LYZL4: variants seen among roughly 807,000 people sequenced by gnomAD.
LYZL4 encodes lysozyme-like protein 4.
Under a neutral mutation model 17.6 loss-of-function variants are expected in LYZL4, and 13 were observed. The observed-to-expected ratio is 0.74, with a 90% CI of 0.48 to 1.18. The LOEUF is 1.18. LYZL4 is among the 50% of genes most tolerant of loss of function. The pLI is 0.00. For missense variants in LYZL4, 174 were observed against 188.2 expected (o/e 0.92, Z 0.44); for synonymous variants, 64 against 67.7 (o/e 0.95, Z 0.27).
intron 3 of LYZL4, 130 bp from the exon 4 acceptor site, chr3:42,404,254 G>T: frequency 1.9e-6 from 1 of 536,658 alleles, no homozygotes; most frequent in Non-Finnish European, 3.3e-6. Context: ...TCTATCCTTA[G>T]ATTTTTATTA....
At chr3:42,403,201 G>C (rs2125601585) in intron 4 of LYZL4, among the ~76,000 whole-genome samples, 1 of 151,340 alleles carries the variant, frequency 6.6e-6, no homozygotes, top group Non-Finnish European at 1.5e-5. Flanking sequence ...AACAAACATG[G>C]GGGGAAACAC....
At chr3:42,404,193 A>T (rs2125602025) in intron 3 of LYZL4, 69 bp from the exon 4 acceptor site, 3 of 993,692 alleles carry the variant, frequency 3.0e-6, no homozygotes, top group Non-Finnish European at 4.8e-6. Context: ...ATGTCAGGGA[A>T]GGTACAGGGT....
intron 1 of LYZL4, among the ~76,000 whole-genome samples, chr3:42,409,418 G>A (rs1247954411): frequency 6.6e-6 from 1 of 152,110 alleles, no homozygotes; most frequent in East Asian, 1.9e-4. Context: ...TAAAAAAAGT[G>A]AATCTCAATG....
At chr3:42,361,330 G>A in the LYZL4 span, among the ~76,000 whole-genome samples, 1 of 152,088 alleles carries the variant, frequency 6.6e-6, no homozygotes, top group Admixed American at 6.5e-5. Context: ...CATCTTCATA[G>A]CAAACCAAGG....
chr3:42,393,846 C>T (rs1698519338), downstream of LYZL4, among the ~76,000 whole-genome samples: 2 of 152,182 alleles, frequency 1.3e-5, no homozygotes, highest in Non-Finnish European at 2.9e-5. Flanking sequence ...GGCTGGAGCG[C>T]AGTGGCGTGA....
chr3:42,395,438 G>GA (rs34118691), downstream of LYZL4, among the ~76,000 whole-genome samples: 1 of 152,160 alleles, frequency 6.6e-6, no homozygotes, highest in African/African-American at 2.4e-5. Context: ...AATATTGAGT[G>GA]AAAAAAGGAA....
chr3:42,394,836 C>T (rs1431403623), downstream of LYZL4, among the ~76,000 whole-genome samples: 5 of 152,166 alleles, frequency 3.3e-5, no homozygotes, highest in Admixed American at 2.0e-4. Context: ...TGGAAAGAGG[C>T]GGCAGCGCGC....
chr3:42,400,078 A>C (rs892669198), intron 4 of LYZL4, among the ~76,000 whole-genome samples: 1 of 152,200 alleles, frequency 6.6e-6, no homozygotes, highest in Non-Finnish European at 1.5e-5. Context: ...TCAGCCTCTG[A>C]GACAGACATA....
chr3:42,386,409 C>CAA, the LYZL4 span, among the ~76,000 whole-genome samples: 1 of 136,638 alleles, frequency 7.3e-6, no homozygotes, highest in Non-Finnish European at 1.6e-5. Context: ...CCCCCCCCCC[C>CAA]CCCGCCTCCC....
At chr3:42,364,060 G>A in the LYZL4 span, among the ~76,000 whole-genome samples, 1 of 152,190 alleles carries the variant, frequency 6.6e-6, no homozygotes, top group East Asian at 1.9e-4. Context: ...GACGGTAAGA[G>A]GCAAGAAAAG....
chr3:42,361,569 A>AT, the LYZL4 span, among the ~76,000 whole-genome samples: 42 of 147,828 alleles, frequency 2.8e-4, no homozygotes, highest in African/African-American at 3.0e-4. Context: ...TCTTAAAAAA[A>AT]TTTTTTTTTT....
At chr3:42,378,344 T>G in the LYZL4 span, among the ~76,000 whole-genome samples, 1 of 152,218 alleles carries the variant, frequency 6.6e-6, no homozygotes, top group Non-Finnish European at 1.5e-5. Flanking sequence ...CTCAGAGGGT[T>G]GACAGCAAGA....
the LYZL4 span, among the ~76,000 whole-genome samples, chr3:42,381,992 C>A: frequency 6.6e-6 from 1 of 152,198 alleles, no homozygotes; most frequent in Admixed American, 6.5e-5. Flanking sequence ...TGTATTCCAA[C>A]AAGCACTTTA....
intron 1 of LYZL4, among the ~76,000 whole-genome samples, chr3:42,409,467 G>A (rs914933946): frequency 3.9e-4 from 59 of 152,236 alleles, no homozygotes; most frequent in African/African-American, 1.4e-3. Context: ...ACATTTTCTG[G>A]TAATGTCTGT....
the LYZL4 span, among the ~76,000 whole-genome samples, chr3:42,386,397 C>CG: frequency 6.0e-5 from 1 of 16,596 alleles, no homozygotes; most frequent in Non-Finnish European, 9.8e-5. Flanking sequence ...GCCACCACGC[C>CG]CCCCCCCCCC....
chr3:42,376,008 C>T, the LYZL4 span, among the ~76,000 whole-genome samples: 2 of 152,174 alleles, frequency 1.3e-5, no homozygotes, highest in Non-Finnish European at 2.9e-5. Context: ...CTCAGAATGG[C>T]ACCGCCTGCC....
intron 4 of LYZL4, among the ~76,000 whole-genome samples, chr3:42,402,393 T>G (rs1243696252): frequency 6.8e-6 from 1 of 147,040 alleles, no homozygotes; most frequent in Non-Finnish European, 1.5e-5. Context: ...ATAGTTGCAA[T>G]ACATATATCC....
the LYZL4 span, among the ~76,000 whole-genome samples, chr3:42,388,438 T>C: frequency 1.3e-5 from 2 of 152,342 alleles, no homozygotes; most frequent in South Asian, 2.1e-4. Flanking sequence ...ATCAATCTGA[T>C]GATTCAACCC....
the LYZL4 span, among the ~76,000 whole-genome samples, chr3:42,363,347 C>T: frequency 1.3e-5 from 2 of 152,190 alleles, no homozygotes; most frequent in African/African-American, 4.8e-5. Context: ...GTCACAAAGA[C>T]ATTGTGTTTA....
Sources: gnomAD v4.1 joint callset for allele counts (sites outside exome capture counted in the v4.1 genomes callset) on GRCh38, gnomAD v4.1.1 for gene constraint, MANE v1.5 for transcripts, NCBI Gene and HGNC (gene_info 2026-07-23, HGNC 2026-07-21) for gene names.